Variants in SGCD observed in about 807,000 individuals in gnomAD.
SGCD encodes the protein delta-sarcoglycan.
A neutral mutation model predicts 36.6 loss-of-function variants in SGCD; 18 were observed. The observed-to-expected ratio is 0.49, with a 90% CI of 0.34 to 0.73. The LOEUF is 0.73. Among genes scored for constraint, SGCD ranks in the 30% least tolerant of loss-of-function variants. The probability of loss-of-function intolerance (pLI) is 0.01; values close to 1 mark genes in which losing one functional copy is unlikely to be tolerated. For missense variants in SGCD, 387 were observed against 346.7 expected (o/e 1.12, Z -0.92); for synonymous variants, 133 against 130.6 (o/e 1.02, Z -0.12).
At chr5:156,629,305 T>G (rs1490906921) in intron 6 of SGCD, among the ~76,000 whole-genome samples, 1 of 152,134 alleles carries the variant, frequency 6.6e-6, no homozygotes, top group Non-Finnish European at 1.5e-5. Context: ...CTGATAGTAC[T>G]GGGGACATAA....
chr5:155,941,648 A>G (rs1008885743), intron 1 of SGCD, among the ~76,000 whole-genome samples: 2 of 151,848 alleles, frequency 1.3e-5, no homozygotes, highest in Non-Finnish European at 2.9e-5. Context: ...TTACATTACT[A>G]TAGTACTAAG....
rs111458843 is a variant in SGCD at position 156,653,493 on chromosome 5, C to CTTTTTTTTTTTTTTTTTTTTTTTTTT, written c.575+5972_575+5973insTTTTTTTTTTTTTTTTTTTTTTTTTT. ...TTTTCTTACGTAATTCTAAAGCTTGCTTTTTTTTTTTTTTTGCCCCTGTTG... is the reference window on the plus strand; with the variant it reads ...TTTTCTTACGTAATTCTAAAGCTTGCTTTTTTTTTTTTTTTTTTTTTTTTTTTTTTTTTTTTTTTTTGCCCCTGTTG... On this transcript the variant is annotated intron_variant, in intron 7 of 8. Coordinates refer to ENST00000337851, the MANE Select transcript of SGCD (RefSeq NM_000337.6). Among the ~76,000 whole-genome samples the CTTTTTTTTTTTTTTTTTTTTTTTTTT allele has an allele frequency of 9.8e-4, 47 of 48,108 alleles. 17 individuals are homozygous for CTTTTTTTTTTTTTTTTTTTTTTTTTT. The highest frequency in any genetic ancestry group is 1.9e-3 in the East Asian group (2 of 1,060). The allele number at this position is 48,108 out of a possible 152,430, so 31.6% of individuals were successfully genotyped here. A position where few individuals can be genotyped will look rare whatever the true frequency, so the allele number is the denominator to read the frequency against.
At position 156,052,253 on chromosome 5, in the gene SGCD, C is replaced by T. The variant is rs968260767; in HGVS notation, c.-281-65625C>T. On this transcript the variant is annotated intron_variant, in intron 1 of 9. Transcript: ENST00000517913. ...GTTGGAGTTTCTCCAGGGATCCCCT[C>T]CCACCTGGCTGTCTCAGTGTCGGGG... Among the ~76,000 whole-genome samples the T allele has an allele frequency of 2.1e-5, 3 of 145,902 alleles. 1 individual carries two copies. The highest frequency in any genetic ancestry group is 6.8e-5 in the Admixed American group (1 of 14,624).
intron 3 of SGCD, among the ~76,000 whole-genome samples, chr5:156,158,654 G>A (rs891501921): frequency 6.6e-6 from 1 of 151,566 alleles, no homozygotes; most frequent in Non-Finnish European, 1.5e-5. Context: ...AGCCTTCCGG[G>A]GTACTCAGCA....
chr5:155,844,381 G>A, the SGCD span, among the ~76,000 whole-genome samples: 12 of 151,626 alleles, frequency 7.9e-5, no homozygotes, highest in Non-Finnish European at 1.8e-4. Flanking sequence ...CTAATCCAGA[G>A]GAAGTTTGTT....
chr5:156,700,016 G>T (rs1257514877), intron 7 of SGCD, among the ~76,000 whole-genome samples: 1 of 152,180 alleles, frequency 6.6e-6, no homozygotes. Flanking sequence ...GAAGAAAGAA[G>T]TCCAATCTGG....
intron 4 of SGCD, among the ~76,000 whole-genome samples, chr5:156,517,106 C>T (rs2113018690): frequency 6.6e-6 from 1 of 152,276 alleles, no homozygotes. Flanking sequence ...TAAAACATTA[C>T]AGAAGCTGTT....
chr5:155,994,638 A>G (rs1758502152), intron 1 of SGCD, among the ~76,000 whole-genome samples: 1 of 152,176 alleles, frequency 6.6e-6, no homozygotes, highest in South Asian at 2.1e-4. Context: ...GACTTTTCCT[A>G]TTTTTTAAGA....
chr5:156,733,895 T>C (rs535943062), intron 7 of SGCD, among the ~76,000 whole-genome samples: 1 of 152,184 alleles, frequency 6.6e-6, no homozygotes, highest in Admixed American at 6.5e-5. Context: ...TGTGCGAGGG[T>C]CTCTTGAAGA....
chr5:156,698,247 T>C (rs970895693), intron 7 of SGCD, among the ~76,000 whole-genome samples: 1 of 152,144 alleles, frequency 6.6e-6, no homozygotes, highest in Admixed American at 6.5e-5. Flanking sequence ...AAATCACTCA[T>C]AAGAACAGAA....
At chr5:156,497,419 C>T (rs541370105) in intron 3 of SGCD, among the ~76,000 whole-genome samples, 1 of 152,172 alleles carries the variant, frequency 6.6e-6, no homozygotes, top group East Asian at 1.9e-4. Context: ...GCAAAGAATT[C>T]CTGTTTATAC....
intron 7 of SGCD, among the ~76,000 whole-genome samples, chr5:156,688,763 GA>G (rs892126169): frequency 6.6e-6 from 1 of 152,190 alleles, no homozygotes; most frequent in Non-Finnish European, 1.5e-5. Flanking sequence ...GGTATTCAGT[GA>G]GGAGAAAATC....
At chr5:156,528,282 A>G (rs1329447684) in intron 4 of SGCD, among the ~76,000 whole-genome samples, 1 of 152,222 alleles carries the variant, frequency 6.6e-6, no homozygotes, top group Non-Finnish European at 1.5e-5. Flanking sequence ...TCATAAGATT[A>G]TTATGGGATT....
chr5:156,344,920 A>G (rs1768870630), intron 3 of SGCD, among the ~76,000 whole-genome samples: 1 of 152,210 alleles, frequency 6.6e-6, no homozygotes, highest in Admixed American at 6.5e-5. Flanking sequence ...AATCTCCTGT[A>G]TGTTATCCCT....
In SGCD at chr5:156,520,488, T is replaced by A. The variant is rs151307864; in HGVS notation, c.294+11786T>A. Reference sequence around the variant, plus strand: ...GCTATTCCCATTAAACTACCTTTGATGTTACTCACAGAAGTAGAGAAAACT... The same window carrying A: ...GCTATTCCCATTAAACTACCTTTGAAGTTACTCACAGAAGTAGAGAAAACT... On this transcript the variant is annotated intron_variant, in intron 4 of 8. Coordinates refer to ENST00000337851, the MANE Select transcript of SGCD (RefSeq NM_000337.6). Among the ~76,000 whole-genome samples, 336 of 151,736 alleles carry A rather than the reference T, an allele frequency of 2.2e-3. 1 individual carries two copies. The highest frequency in any genetic ancestry group is 7.7e-3 in the African/African-American group (317 of 41,146).
At chr5:155,933,491 C>A (rs1757137023) in intron 1 of SGCD, among the ~76,000 whole-genome samples, 1 of 152,136 alleles carries the variant, frequency 6.6e-6, no homozygotes, top group Non-Finnish European at 1.5e-5. Flanking sequence ...ATTTCTACAG[C>A]TTTTAGAACA....
chr5:155,880,133 G>A (rs1265957771), intron 1 of SGCD, among the ~76,000 whole-genome samples: 6 of 152,102 alleles, frequency 3.9e-5, no homozygotes, highest in Admixed American at 6.5e-5. Flanking sequence ...CTGAAGCTGA[G>A]TACATGTGTG....
chr5:155,836,476 G>A, the SGCD span, among the ~76,000 whole-genome samples: 23 of 61,852 alleles, frequency 3.7e-4, no homozygotes, highest in Admixed American at 2.4e-3. Flanking sequence ...ACCCACCCCC[G>A]CCCCGCACTC....
At chr5:156,379,968 T>C (rs1227287413) in intron 3 of SGCD, among the ~76,000 whole-genome samples, 1 of 152,212 alleles carries the variant, frequency 6.6e-6, no homozygotes, top group African/African-American at 2.4e-5. Context: ...ATGCTGAGTG[T>C]ATCTGTTGTT....
Sources: gnomAD v4.1 joint callset for allele counts (sites outside exome capture counted in the v4.1 genomes callset) on GRCh38, gnomAD v4.1.1 for gene constraint, MANE v1.5 for transcripts, NCBI Gene and HGNC (gene_info 2026-07-23, HGNC 2026-07-21) for gene names.